Variants in GRAMD1B observed in about 807,000 individuals in gnomAD.
GRAMD1B encodes the protein protein Aster-B.
GRAMD1B carries 37 observed loss-of-function variants against 99.7 expected under a neutral mutation model. That is an observed-to-expected ratio of 0.37 (90% CI 0.29 to 0.49). GRAMD1B has a LOEUF of 0.49. Among genes scored for constraint, GRAMD1B ranks in the 20% least tolerant of loss-of-function variants. GRAMD1B has a pLI of 0.98. For missense variants in GRAMD1B, 888 were observed against 1,009.2 expected (o/e 0.88, Z 1.63); for synonymous variants, 427 against 387.6 (o/e 1.10, Z -1.19).
At chr11:123,436,371 G>A (rs946821737) in intron 1 of GRAMD1B, among the ~76,000 whole-genome samples, 4 of 152,214 alleles carry the variant, frequency 2.6e-5, no homozygotes, top group Admixed American at 2.6e-4. Flanking sequence ...CAGTTTGGAT[G>A]TGTTGGCTTG....
chr11:123,604,678 T>C (rs1952458998), intron 9 of GRAMD1B, among the ~76,000 whole-genome samples: 1 of 152,176 alleles, frequency 6.6e-6, no homozygotes, highest in South Asian at 2.1e-4. Flanking sequence ...AAAATGCACA[T>C]AAGGATTTCC....
At chr11:123,434,649 A>G (rs1481778060) in intron 1 of GRAMD1B, among the ~76,000 whole-genome samples, 1 of 151,954 alleles carries the variant, frequency 6.6e-6, no homozygotes, top group Non-Finnish European at 1.5e-5. Context: ...TTAGCTGGAC[A>G]TGGTAGTGCG....
intron 8 of GRAMD1B, among the ~76,000 whole-genome samples, chr11:123,602,132 C>A (rs987706948): frequency 2.0e-5 from 3 of 152,110 alleles, no homozygotes; most frequent in African/African-American, 7.2e-5. Flanking sequence ...ACTATGAGGT[C>A]CAGCATAGAG....
chr11:123,503,727 A>T (rs970153095), intron 2 of GRAMD1B, among the ~76,000 whole-genome samples: 2 of 152,000 alleles, frequency 1.3e-5, no homozygotes, highest in Non-Finnish European at 2.9e-5. Flanking sequence ...TGTATTTTTT[A>T]GTAAAGACAA....
chr11:123,410,675 G>A (rs968991358), intron 1 of GRAMD1B, among the ~76,000 whole-genome samples: 1 of 152,104 alleles, frequency 6.6e-6, no homozygotes, highest in Non-Finnish European at 1.5e-5. Flanking sequence ...CATGCTTCCT[G>A]AGGGTTTGAG....
At chr11:123,598,325 G>C in intron 7 of GRAMD1B, 6 of 1,210,866 alleles carry the variant, frequency 5.0e-6, no homozygotes, top group South Asian at 4.8e-5. Context: ...GGTTGTAAAT[G>C]ATCTCGTTCT....
intron 1 of GRAMD1B, among the ~76,000 whole-genome samples, chr11:123,475,036 A>G (rs1441913534): frequency 6.6e-6 from 1 of 152,100 alleles, no homozygotes; most frequent in African/African-American, 2.4e-5. Context: ...GTTTCTCCCT[A>G]GGAAGCACCT....
At chr11:123,507,064 G>A (rs932339536) in intron 2 of GRAMD1B, among the ~76,000 whole-genome samples, 1 of 152,174 alleles carries the variant, frequency 6.6e-6, no homozygotes, top group African/African-American at 2.4e-5. Context: ...GAGACTGGGT[G>A]GACCCCCATT....
chr11:123,526,229 G>C (rs752017008), intron 2 of GRAMD1B: 1 of 1,463,182 alleles, frequency 6.8e-7, no homozygotes, highest in Non-Finnish European at 9.5e-7. Flanking sequence ...CCCTGTGCTC[G>C]CCCCAGCACC....
chr11:123,579,098 C>T (rs1949052966), intron 3 of GRAMD1B, among the ~76,000 whole-genome samples: 1 of 152,214 alleles, frequency 6.6e-6, no homozygotes, highest in African/African-American at 2.4e-5. Flanking sequence ...GGTGCCCATG[C>T]CTGGAGGTTG....
intron 2 of GRAMD1B, among the ~76,000 whole-genome samples, chr11:123,516,648 A>G (rs1941697590): frequency 1.3e-5 from 2 of 152,204 alleles, no homozygotes; most frequent in South Asian, 2.1e-4. Context: ...GAGACTATTC[A>G]CCATTACTCG....
At chr11:123,414,618 C>T (rs995665259) in intron 1 of GRAMD1B, among the ~76,000 whole-genome samples, 1 of 152,124 alleles carries the variant, frequency 6.6e-6, no homozygotes, top group Non-Finnish European at 1.5e-5. Flanking sequence ...GCATAGCTCT[C>T]GCCACCTTCC....
intron 2 of GRAMD1B, among the ~76,000 whole-genome samples, chr11:123,503,086 A>G (rs915914289): frequency 6.6e-6 from 1 of 152,212 alleles, no homozygotes; most frequent in African/African-American, 2.4e-5. Context: ...ATCAGAAGTC[A>G]GGGATTGTTT....
intron 1 of GRAMD1B, among the ~76,000 whole-genome samples, chr11:123,434,052 A>T (rs1380248940): frequency 6.6e-6 from 1 of 151,912 alleles, no homozygotes; most frequent in African/African-American, 2.4e-5. Context: ...CAACACGGAG[A>T]AACACCGTCT....
chr11:123,445,975 A>G (rs1337080870), intron 1 of GRAMD1B, among the ~76,000 whole-genome samples: 1 of 152,096 alleles, frequency 6.6e-6, no homozygotes, highest in Non-Finnish European at 1.5e-5. Flanking sequence ...CCACAGTACA[A>G]TCCACACTCA....
chr11:123,581,157 A>C (rs553608143), intron 3 of GRAMD1B, among the ~76,000 whole-genome samples: 10 of 151,820 alleles, frequency 6.6e-5, no homozygotes, highest in African/African-American at 2.4e-4. Flanking sequence ...GCATTCCTTT[A>C]AGTGCTTGCT....
chr11:123,390,323 G>C (rs973110854), intron 1 of GRAMD1B, among the ~76,000 whole-genome samples: 3 of 152,108 alleles, frequency 2.0e-5, no homozygotes, highest in Non-Finnish European at 4.4e-5. Context: ...GAGCCCCTGT[G>C]TCCACCCATC....
chr11:123,555,812 C>T (rs2135931718), intron 2 of GRAMD1B, among the ~76,000 whole-genome samples: 1 of 152,282 alleles, frequency 6.6e-6, no homozygotes, highest in East Asian at 1.9e-4. Context: ...CGGCTCACCA[C>T]AATCTCCATC....
upstream of GRAMD1B, among the ~76,000 whole-genome samples, chr11:123,430,037 G>T (rs1287003344): frequency 6.6e-6 from 1 of 151,830 alleles, no homozygotes; most frequent in African/African-American, 2.4e-5. Context: ...AATGGGAGTT[G>T]CCTGGCCAAT....
Sources: allele counts gnomAD v4.1 joint callset (sites outside exome capture counted in the v4.1 genomes callset), GRCh38; gene constraint gnomAD v4.1.1; transcripts MANE v1.5; gene names NCBI Gene and HGNC (gene_info 2026-07-23, HGNC 2026-07-21).